VPS13D: variants seen among roughly 807,000 people sequenced by gnomAD.
The protein encoded by VPS13D is intermembrane lipid transfer protein VPS13D.
A neutral mutation model predicts 461.9 loss-of-function variants in VPS13D; 187 were observed. That is an observed-to-expected ratio of 0.40 (90% CI 0.36 to 0.46). The LOEUF (loss-of-function observed/expected upper bound fraction) is 0.46, where lower values mean the gene tolerates loss of function less well. Among genes scored for constraint, VPS13D ranks in the 20% least tolerant of loss-of-function variants. The probability of loss-of-function intolerance (pLI) is 0.60; values close to 1 mark genes in which losing one functional copy is unlikely to be tolerated. For synonymous variants in VPS13D, 1,951 were observed against 1,986.3 expected (o/e 0.98, Z 0.47); for missense variants, 4,711 against 5,364.9 (o/e 0.88, Z 3.81).
At chr1:12,290,009 T>G (rs1335048525) in intron 22 of VPS13D, among the ~76,000 whole-genome samples, 3 of 152,238 alleles carry the variant, frequency 2.0e-5, no homozygotes, top group Non-Finnish European at 4.4e-5. Context: ...CCTTAGTAAT[T>G]GTTTTATCAC....
intron 6 of VPS13D, among the ~76,000 whole-genome samples, chr1:12,251,849 C>G (rs936109551): frequency 6.6e-6 from 1 of 152,138 alleles, no homozygotes; most frequent in South Asian, 2.1e-4. Flanking sequence ...CCAGGGCAGC[C>G]CTAACACATT....
chr1:12,418,742 C>T (rs1644826200), intron 65 of VPS13D, among the ~76,000 whole-genome samples: 1 of 152,104 alleles, frequency 6.6e-6, no homozygotes, highest in Admixed American at 6.6e-5. Context: ...GAGACTTGAG[C>T]CACCAGGAAG....
chr1:12,478,087 G>A (rs1645657803), intron 67 of VPS13D, among the ~76,000 whole-genome samples: 2 of 152,312 alleles, frequency 1.3e-5, no homozygotes, highest in Middle Eastern at 3.4e-3. Context: ...AGCAGCTCGG[G>A]GCCTATATAT....
rs756072789 is a variant in VPS13D at position 12,308,502 on chromosome 1, C to T, written c.6511C>T (p.His2171Tyr). 6.2e-7 allele frequency: 1 copy of T among 1,614,148 alleles called. No individual in the cohort carries two copies. Among genetic ancestry groups the T allele is most frequent in the African/African-American group, 1.3e-5 (1 of 75,012 alleles). Reference sequence around the variant, plus strand: ...CATGGACATCTTTGCTGCAGAGAGACATCCGAGAGAATACTCGAAGGCACC... The same window carrying T: ...CATGGACATCTTTGCTGCAGAGAGATATCCGAGAGAATACTCGAAGGCACC... ...QDMDIFAAER[H>Y]PREYSKAPED... Residue 2171 changes from histidine to tyrosine, a missense_variant, in exon 27 of 70, where the codon CAT becomes TAT. Coordinates refer to ENST00000620676, the MANE Select transcript of VPS13D (RefSeq NM_015378.4).
chr1:12,389,391 GT>G (rs1644393715), intron 60 of VPS13D, among the ~76,000 whole-genome samples: 1 of 152,076 alleles, frequency 6.6e-6, no homozygotes, highest in Non-Finnish European at 1.5e-5. Context: ...AGATTATAAG[GT>G]CATAATTACA....
At chr1:12,280,884 A>G (rs1293477977) in intron 20 of VPS13D, among the ~76,000 whole-genome samples, 1 of 151,918 alleles carries the variant, frequency 6.6e-6, no homozygotes, top group African/African-American at 2.4e-5. Context: ...TTTAAAAATA[A>G]TTAAGATAAT....
At chr1:12,491,909 A>G (rs963213688) in intron 67 of VPS13D, among the ~76,000 whole-genome samples, 1 of 152,252 alleles carries the variant, frequency 6.6e-6, no homozygotes, top group South Asian at 2.1e-4. Flanking sequence ...GCTGGCAGCA[A>G]TTAAATATAC....
chr1:12,501,776 C>T (rs1005911191), intron 68 of VPS13D, among the ~76,000 whole-genome samples: 7 of 152,126 alleles, frequency 4.6e-5, no homozygotes, highest in East Asian at 1.9e-4. Context: ...GTATGAGCAA[C>T]GTATTATGGA....
At chr1:12,265,858 T>C (rs954065079) in intron 13 of VPS13D, among the ~76,000 whole-genome samples, 1 of 152,206 alleles carries the variant, frequency 6.6e-6, no homozygotes, top group Non-Finnish European at 1.5e-5. Context: ...CTATGAACAC[T>C]GTTGAAATGA....
At chr1:12,305,922 A>G (rs1642549657) in intron 26 of VPS13D, among the ~76,000 whole-genome samples, 1 of 152,122 alleles carries the variant, frequency 6.6e-6, no homozygotes, top group Non-Finnish European at 1.5e-5. Flanking sequence ...CATTATTTAC[A>G]TTAATTATTT....
chr1:12,383,487 G>A lies in VPS13D; in HGVS notation c.11370+332G>A, dbSNP rs1644310260. On this transcript the variant is annotated intron_variant, in intron 58 of 69. Coordinates refer to ENST00000620676, the MANE Select transcript of VPS13D (RefSeq NM_015378.4). ...AATATCTTAATAACATTAACAACAA[G>A]AAGATATGAGATCCTTAATCAGATA... Among the ~76,000 whole-genome samples, 6 of 152,240 alleles carry A rather than the reference G, an allele frequency of 3.9e-5. No homozygotes were observed. In the South Asian group the frequency reaches 1.2e-3, roughly 32 times the overall value.
intron 7 of VPS13D, among the ~76,000 whole-genome samples, chr1:12,255,903 A>G (rs1341583236): frequency 1.3e-5 from 2 of 149,160 alleles, no homozygotes; most frequent in African/African-American, 2.5e-5. Flanking sequence ...AAAAAAAAAA[A>G]GAAAGAAAAA....
intron 54 of VPS13D, among the ~76,000 whole-genome samples, chr1:12,371,516 G>A (rs1644117159): frequency 6.6e-6 from 1 of 151,280 alleles, no homozygotes; most frequent in South Asian, 2.1e-4. Context: ...TCAGACTCCT[G>A]AGTAGCTGGG....
chr1:12,409,084 C>CGT (rs144648650), intron 63 of VPS13D, among the ~76,000 whole-genome samples: 1,562 of 150,448 alleles, frequency 0.01, 30 homozygotes, highest in African/African-American at 0.035. Context: ...TTGCTTTTGG[C>CGT]GTGTGTGTGT....
At chr1:12,378,397 C>T (rs988885817) in intron 55 of VPS13D, 31 bp from the exon 56 acceptor site, 2 of 1,549,838 alleles carry the variant, frequency 1.3e-6, no homozygotes, top group Non-Finnish European at 1.7e-6. Context: ...CATAATGGCT[C>T]TTTCTCTTTT....
intron 67 of VPS13D, among the ~76,000 whole-genome samples, chr1:12,468,842 G>A (rs1056239686): frequency 6.6e-6 from 1 of 152,120 alleles, no homozygotes; most frequent in Non-Finnish European, 1.5e-5. Flanking sequence ...AGACCAGCCT[G>A]GGCAACATAG....
intron 65 of VPS13D, among the ~76,000 whole-genome samples, chr1:12,437,604 C>T (rs1645078068): frequency 6.6e-6 from 1 of 152,116 alleles, no homozygotes; most frequent in Non-Finnish European, 1.5e-5. Context: ...ACCCAACCCT[C>T]CCCTCCCCCA....
intron 67 of VPS13D, among the ~76,000 whole-genome samples, chr1:12,496,498 T>C (rs1353324193): frequency 2.0e-5 from 3 of 152,250 alleles, no homozygotes; most frequent in African/African-American, 7.2e-5. Context: ...TAGTTCCTGT[T>C]TCTGAAGTGC....
chr1:12,278,169 CAA>C (rs1421478879), intron 19 of VPS13D, 131 bp downstream of exon 19: 1 of 1,015,760 alleles, frequency 9.8e-7, no homozygotes, highest in Non-Finnish European at 1.4e-6. Context: ...TTTAAGAAAT[CAA>C]AGAGTTTTAA....
Sources: allele counts gnomAD v4.1 joint callset (sites outside exome capture counted in the v4.1 genomes callset), GRCh38; gene constraint gnomAD v4.1.1; transcripts MANE v1.5; gene names NCBI Gene and HGNC (gene_info 2026-07-23, HGNC 2026-07-21).